The following CLIC6 variants were observed in gnomAD, a reference collection of about 807,000 sequenced individuals.
CLIC6 encodes CLIC family member 6, also known as chloride intracellular channel protein 6.
Under a neutral mutation model 49.2 loss-of-function variants are expected in CLIC6, and 39 were observed. The observed-to-expected ratio is 0.79, with a 90% CI of 0.61 to 1.04. CLIC6 has a LOEUF of 1.04. Ranked by LOEUF, CLIC6 falls within the 50% of genes least tolerant of loss-of-function variation. The pLI, the probability that CLIC6 is intolerant of heterozygous loss-of-function variation, is 0.00. For missense variants in CLIC6, 988 were observed against 993.1 expected (o/e 0.99, Z 0.07); for synonymous variants, 446 against 433.4 (o/e 1.03, Z -0.36).
chr21:34,707,851 C>T, intron 2 of CLIC6, 93 bp from the exon 3 acceptor site: 1 of 1,379,602 alleles, frequency 7.2e-7, no homozygotes, highest in Non-Finnish European at 1.0e-6. Flanking sequence ...TCAAGAGTTG[C>T]TTCTCTTAAA....
At chr21:34,691,167 C>T (rs1989985907) in intron 1 of CLIC6, among the ~76,000 whole-genome samples, 1 of 152,186 alleles carries the variant, frequency 6.6e-6, no homozygotes, top group Non-Finnish European at 1.5e-5. Flanking sequence ...TGACATAGAA[C>T]TTTCAAGGTT....
intron 1 of CLIC6, among the ~76,000 whole-genome samples, chr21:34,700,446 C>CAA (rs530221942): frequency 0.025 from 1,620 of 64,824 alleles, 201 homozygotes; most frequent in African/African-American, 0.073. Flanking sequence ...GACTCCGTCT[C>CAA]AAAAAAAAAA....
In CLIC6 at chr21:34,670,727, C is replaced by T; in HGVS notation, c.1339C>T (p.Leu447=). The change falls in exon 1 of 6, where the codon CTG becomes TTG. Residue 447 remains leucine (L), a synonymous_variant. Transcript: ENST00000349499. ...CGGAGAGGCGTCCGAGCCCCGGGCC[C>T]TGGGGCAGGAGCACGACATCACCCT... The part of the protein sequence containing the change: ...EDGEASEPRA[L]GQEHDITLFV... The T allele has an allele frequency of 6.2e-7, 1 of 1,600,090 alleles. No individual in the cohort carries two copies. Among genetic ancestry groups the T allele is most frequent in the South Asian group, 1.1e-5 (1 of 89,796 alleles).
In CLIC6 at chr21:34,703,023, C is replaced by CA. The variant is rs1285227434; in HGVS notation, c.1375-4256dup. Among the ~76,000 whole-genome samples, 10 of 143,768 alleles carry CA rather than the reference C, an allele frequency of 7.0e-5. No individual in the cohort carries two copies. In the East Asian group the frequency reaches 1.6e-3, roughly 23 times the overall value. The allele number at this position is 143,768 out of a possible 152,430, so 94.3% of individuals were successfully genotyped here. A position where few individuals can be genotyped will look rare whatever the true frequency, so the allele number is the denominator to read the frequency against. On this transcript the variant is annotated intron_variant, in intron 1 of 5. Coordinates refer to ENST00000349499, the MANE Select transcript of CLIC6 (RefSeq NM_053277.3). ...TGGAATGGAGCGGCCCATTATCACT[C>CA]ACTCACTCTCCACATCCTGCGATGG...
chr21:34,699,754 A>T (rs1332124389), intron 1 of CLIC6, among the ~76,000 whole-genome samples: 6 of 152,158 alleles, frequency 3.9e-5, no homozygotes, highest in African/African-American at 1.4e-4. Context: ...ACGTGAAGTG[A>T]GGTTAAGAAC....
At chr21:34,683,921 T>G (rs1034630672) in intron 1 of CLIC6, among the ~76,000 whole-genome samples, 31 of 152,140 alleles carry the variant, frequency 2.0e-4, no homozygotes, top group Non-Finnish European at 4.6e-4. Flanking sequence ...ATATCAAAGG[T>G]TGTTTGAAAA....
At position 34,670,331 on chromosome 21, in the gene CLIC6, G is replaced by A. The variant is rs61741110; in HGVS notation, c.943G>A (p.Ala315Thr). ...CCAGGCCGAGGCAATTGAGGTCGCA[G>A]CCGGGGAGAGTGCGGGGCGCAGCCC... ...SPQAEAIEVA[A>T]GESAGRSPGE... The change falls in exon 1 of 6, where the codon GCC becomes ACC. Residue 315 changes from alanine (A) to threonine (T), a missense_variant. Physicochemically the swap from Ala to Thr is moderately conservative, Grantham distance 58 (BLOSUM62 0). This residue lies in a region of CLIC6 where 647 missense variants were observed against 596.9 expected (regional missense o/e 1.08). Coordinates refer to ENST00000349499, the MANE Select transcript of CLIC6 (RefSeq NM_053277.3). The A allele has an allele frequency of 8.3e-6, 12 of 1,449,316 alleles. No homozygotes were observed. The highest frequency in any genetic ancestry group is 1.5e-5 in the South Asian group (1 of 68,862). 89.8% of individuals were successfully genotyped at this position (1,449,316 alleles called of 1,614,324 possible).
chr21:34,686,503 C>A (rs1989881621), intron 1 of CLIC6, among the ~76,000 whole-genome samples: 1 of 152,218 alleles, frequency 6.6e-6, no homozygotes, highest in African/African-American at 2.4e-5. Context: ...GCTGCCATTT[C>A]TTTAATACTC....
At position 34,709,487 on chromosome 21, in the gene CLIC6, C is replaced by T. The variant is rs61748623; in HGVS notation, c.1848C>T (p.Asp616=). ...CTGGAAGGAAGTTTCTGGATGGGGACGAGCTGACGCTGGCTGACTGCAACC... is the reference window on the plus strand; with the variant it reads ...CTGGAAGGAAGTTTCTGGATGGGGATGAGCTGACGCTGGCTGACTGCAACC... ...TVSGRKFLDG[D]ELTLADCNLL... The change falls in exon 5 of 6, where the codon GAC becomes GAT. Residue 616 remains aspartate (D), a synonymous_variant. Coordinates refer to ENST00000349499, the MANE Select transcript of CLIC6 (RefSeq NM_053277.3). The T allele has an allele frequency of 2.4e-3, 3,917 of 1,613,954 alleles. 90 individuals carry two copies. In the African/African-American group the frequency reaches 0.046, roughly 19 times the overall value.
chr21:34,698,192 T>A (rs1990122408), intron 1 of CLIC6, among the ~76,000 whole-genome samples: 1 of 152,188 alleles, frequency 6.6e-6, no homozygotes, highest in African/African-American at 2.4e-5. Context: ...TTTCATGGGG[T>A]ACCTTCCGTG....
intron 5 of CLIC6, among the ~76,000 whole-genome samples, chr21:34,713,893 A>G (rs1179154705): frequency 6.6e-6 from 1 of 152,304 alleles, no homozygotes; most frequent in East Asian, 1.9e-4. Context: ...AACAACAGTA[A>G]TAATAATAAA....
At chr21:34,676,193 T>A (rs1394302870) in intron 1 of CLIC6, among the ~76,000 whole-genome samples, 1 of 152,142 alleles carries the variant, frequency 6.6e-6, no homozygotes, top group Non-Finnish European at 1.5e-5. Context: ...CTACACTGGG[T>A]CCTTTAGTCA....
At chr21:34,706,734 T>A (rs2056017278) in intron 1 of CLIC6, among the ~76,000 whole-genome samples, 1 of 152,220 alleles carries the variant, frequency 6.6e-6, no homozygotes, top group South Asian at 2.1e-4. Context: ...GCACCCACAC[T>A]GTTGCTTGTA....
At chr21:34,710,873 G>A (rs750542368) in intron 5 of CLIC6, among the ~76,000 whole-genome samples, 1 of 152,036 alleles carries the variant, frequency 6.6e-6, no homozygotes, top group Non-Finnish European at 1.5e-5. Flanking sequence ...GTAAGTCCCC[G>A]ACCCACTGCC....
chr21:34,684,942 G>T (rs1337430029), intron 1 of CLIC6, among the ~76,000 whole-genome samples: 1 of 152,224 alleles, frequency 6.6e-6, no homozygotes, highest in Admixed American at 6.5e-5. Flanking sequence ...GTTTCCAGGT[G>T]TGAGAGTTCA....
chr21:34,716,415 C>T lies in CLIC6; in HGVS notation c.1994C>T (p.Thr665Ile). 6.2e-7 allele frequency: 1 copy of T among 1,613,962 alleles called. No individual in the cohort carries two copies. The highest frequency in any genetic ancestry group is 8.5e-7 in the Non-Finnish European group (1 of 1,179,866). ...LNNAYARDEF[T>I]NTCPADQEIE... Reference sequence around the variant, plus strand: ...AATGCTTATGCTAGAGATGAGTTCACAAATACGTGTCCAGCTGATCAAGAG... The same window carrying T: ...AATGCTTATGCTAGAGATGAGTTCATAAATACGTGTCCAGCTGATCAAGAG... The change falls in exon 6 of 6, where the codon ACA becomes ATA. Residue 665 changes from threonine to isoleucine, a missense_variant. Transcript: ENST00000349499.
intron 1 of CLIC6, among the ~76,000 whole-genome samples, chr21:34,704,253 A>G (rs1463701981): frequency 6.6e-6 from 1 of 152,176 alleles, no homozygotes; most frequent in Non-Finnish European, 1.5e-5. Context: ...ATAATGGGCA[A>G]TGGAGATGGC....
At chr21:34,684,140 T>C (rs1304564580) in intron 1 of CLIC6, among the ~76,000 whole-genome samples, 2 of 152,116 alleles carry the variant, frequency 1.3e-5, no homozygotes, top group African/African-American at 2.4e-5. Context: ...CCCAAATGTA[T>C]ATTTTAAACA....
chr21:34,695,813 C>A (rs1447523528), intron 1 of CLIC6, among the ~76,000 whole-genome samples: 1 of 152,186 alleles, frequency 6.6e-6, no homozygotes, highest in Non-Finnish European at 1.5e-5. Context: ...AATTCCAGAC[C>A]CAAATTCTTT....
Sources: gnomAD v4.1 joint callset for allele counts (sites outside exome capture counted in the v4.1 genomes callset) on GRCh38, gnomAD v4.1.1 for gene constraint, gnomAD v4.1.1 regional missense constraint, MANE v1.5 for transcripts, NCBI Gene and HGNC (gene_info 2026-07-23, HGNC 2026-07-21) for gene names.